The following PTPRD variants were observed in gnomAD, a reference collection of about 807,000 sequenced individuals.
The protein encoded by PTPRD is receptor-type tyrosine-protein phosphatase delta.
PTPRD carries 34 observed loss-of-function variants against 214.5 expected under a neutral mutation model. The observed-to-expected ratio is 0.16, with a 90% CI of 0.12 to 0.21. The LOEUF is 0.21. Ranked by LOEUF, PTPRD falls within the 10% of genes least tolerant of loss-of-function variation. PTPRD has a pLI of 1.00. For synonymous variants in PTPRD, 1,128 were observed against 845.7 expected, an observed-to-expected ratio of 1.33 and a Z score of -5.79; for missense variants, 2,545 against 2,398.7, an observed-to-expected ratio of 1.06 and a Z score of -1.27.
At position 8,751,014 on chromosome 9, in the gene PTPRD, T is replaced by C. The variant is rs76116942; in HGVS notation, c.-103-17068A>G. ...ACTTGGACATAGCCATTAAGCTCTA[T>C]TGTGAAGTCTTTTGACCCTTTATAA... On this transcript the variant is annotated intron_variant, in intron 11 of 45. Coordinates refer to ENST00000381196, the MANE Select transcript of PTPRD (RefSeq NM_002839.4). Among the ~76,000 whole-genome samples, 732 of 152,322 alleles carry C rather than the reference T, an allele frequency of 4.8e-3. 4 individuals carry two copies. The highest frequency in any genetic ancestry group is 0.017 in the African/African-American group (701 of 41,576).
intron 8 of PTPRD, among the ~76,000 whole-genome samples, chr9:9,467,811 G>C (rs996817138): frequency 1.2e-4 from 18 of 152,024 alleles, no homozygotes; most frequent in African/African-American, 4.3e-4. Context: ...AGTTTACGTG[G>C]TTAATTACAC....
At chr9:9,317,781 G>T (rs996181472) in intron 9 of PTPRD, among the ~76,000 whole-genome samples, 1 of 152,060 alleles carries the variant, frequency 6.6e-6, no homozygotes, top group Non-Finnish European at 1.5e-5. Context: ...AAATGGACCT[G>T]ATCAAAATTC....
At chr9:9,278,853 C>G (rs946571460) in intron 9 of PTPRD, among the ~76,000 whole-genome samples, 1 of 151,276 alleles carries the variant, frequency 6.6e-6, no homozygotes, top group Admixed American at 6.6e-5. Context: ...CACTATTCAT[C>G]TACACATACA....
chr9:10,224,977 C>G (rs182268353), intron 3 of PTPRD, among the ~76,000 whole-genome samples: 2 of 152,088 alleles, frequency 1.3e-5, no homozygotes, highest in East Asian at 3.9e-4. Context: ...ATCAGTAAGG[C>G]TTTCAGTCAA....
At chr9:8,344,873 A>G (rs891600739) in intron 39 of PTPRD, among the ~76,000 whole-genome samples, 1 of 151,434 alleles carries the variant, frequency 6.6e-6, no homozygotes. Context: ...CTAATTATCC[A>G]GTAAGTCTTA....
chr9:8,598,617 A>G (rs1301370301), intron 14 of PTPRD, among the ~76,000 whole-genome samples: 1 of 152,210 alleles, frequency 6.6e-6, no homozygotes, highest in Admixed American at 6.5e-5. Flanking sequence ...TTTCTATCAG[A>G]TCATGCCTTT....
intron 3 of PTPRD, among the ~76,000 whole-genome samples, chr9:10,241,027 AAT>A (rs1255945272): frequency 2.0e-4 from 31 of 151,756 alleles, no homozygotes; most frequent in African/African-American, 7.5e-4. Context: ...GAAAAAAAAA[AAT>A]GACAAAAGAT....
intron 12 of PTPRD, among the ~76,000 whole-genome samples, chr9:8,722,979 A>G (rs1053405930): frequency 2.0e-5 from 3 of 152,158 alleles, no homozygotes; most frequent in African/African-American, 7.2e-5. Flanking sequence ...CCTTCAATGC[A>G]CTATTTGTGG....
intron 4 of PTPRD, among the ~76,000 whole-genome samples, chr9:9,951,550 G>C (rs1172476884): frequency 6.6e-6 from 1 of 152,194 alleles, no homozygotes. Context: ...GTTAAAAACA[G>C]CACCCCCCAA....
chr9:9,642,409 G>T (rs1209857848), intron 7 of PTPRD, among the ~76,000 whole-genome samples: 1 of 151,398 alleles, frequency 6.6e-6, no homozygotes, highest in African/African-American at 2.4e-5. Flanking sequence ...AAAACTTAAA[G>T]TATAATAAAA....
At chr9:9,258,729 T>G (rs4560852) in intron 9 of PTPRD, among the ~76,000 whole-genome samples, 3 of 151,794 alleles carry the variant, frequency 2.0e-5, no homozygotes, top group Non-Finnish European at 4.4e-5. Flanking sequence ...GTTTACATTA[T>G]ACAGCAGCAT....
At chr9:9,265,123 A>G (rs539920642) in intron 9 of PTPRD, among the ~76,000 whole-genome samples, 81 of 151,896 alleles carry the variant, frequency 5.3e-4, no homozygotes, top group South Asian at 4.4e-3. Flanking sequence ...AGTATATAGT[A>G]AAATACAAAA....
intron 3 of PTPRD, among the ~76,000 whole-genome samples, chr9:10,059,618 T>C: frequency 6.6e-6 from 1 of 152,100 alleles, no homozygotes. Flanking sequence ...AAAACTCTTG[T>C]CTTTTATTAT....
chr9:8,518,829 C>T (rs912020466), intron 20 of PTPRD, among the ~76,000 whole-genome samples: 7 of 151,890 alleles, frequency 4.6e-5, no homozygotes, highest in Admixed American at 3.3e-4. Context: ...TGAGCCAATC[C>T]ACTAAGATTC....
intron 10 of PTPRD, among the ~76,000 whole-genome samples, chr9:9,097,756 T>G (rs1267894746): frequency 6.6e-6 from 1 of 152,194 alleles, no homozygotes; most frequent in Non-Finnish European, 1.5e-5. Context: ...TCTATGGGTC[T>G]CATGTTTCTA....
intron 10 of PTPRD, among the ~76,000 whole-genome samples, chr9:9,153,481 A>C (rs528865372): frequency 6.6e-6 from 1 of 152,316 alleles, no homozygotes; most frequent in Non-Finnish European, 1.5e-5. Context: ...ACATTTACAT[A>C]AAAATTATGA....
intron 44 of PTPRD, 65 bp downstream of exon 44, chr9:8,331,517 A>AG: frequency 6.4e-7 from 1 of 1,559,400 alleles, no homozygotes; most frequent in Non-Finnish European, 8.7e-7. Flanking sequence ...TACTACAAAA[A>AG]GTGTATACAG....
At chr9:9,000,961 C>A (rs72692817) in intron 11 of PTPRD, among the ~76,000 whole-genome samples, 2 of 151,912 alleles carry the variant, frequency 1.3e-5, no homozygotes, top group Non-Finnish European at 2.9e-5. Flanking sequence ...ATACAAACAG[C>A]TACAGCAAAG....
At chr9:9,645,944 G>T (rs1350879820) in intron 7 of PTPRD, among the ~76,000 whole-genome samples, 1 of 151,946 alleles carries the variant, frequency 6.6e-6, no homozygotes, top group African/African-American at 2.4e-5. Flanking sequence ...TATTTTGGGG[G>T]TACATATGAT....
Sources: allele counts gnomAD v4.1 joint callset (sites outside exome capture counted in the v4.1 genomes callset), GRCh38; gene constraint gnomAD v4.1.1; transcripts MANE v1.5; gene names NCBI Gene and HGNC (gene_info 2026-07-23, HGNC 2026-07-21).